THRB: variants seen among roughly 807,000 people sequenced by gnomAD.
The protein encoded by THRB is nuclear receptor subfamily 1 group A member 2.
THRB carries 12 observed loss-of-function variants against 47.8 expected under a neutral mutation model. The ratio of observed to expected loss-of-function variants is 0.25; its 90% CI spans 0.16 to 0.41. The LOEUF (loss-of-function observed/expected upper bound fraction) is 0.41. Among genes scored for constraint, THRB ranks in the 10% least tolerant of loss-of-function variants. The pLI is 1.00. For synonymous variants in THRB, 218 were observed against 212.2 expected (o/e 1.03, Z -0.24); for missense variants, 348 against 589.2 (o/e 0.59, Z 4.24).
intron 3 of THRB, among the ~76,000 whole-genome samples, chr3:24,291,477 C>A (rs199635461): frequency 0.13 from 20,373 of 152,108 alleles, 1,391 homozygotes; most frequent in South Asian, 0.21. Flanking sequence ...ATGCTCAAGT[C>A]CCTTATACAA....
chr3:24,443,922 C>T (rs916167133), intron 1 of THRB, among the ~76,000 whole-genome samples: 1 of 152,178 alleles, frequency 6.6e-6, no homozygotes, highest in African/African-American at 2.4e-5. Context: ...CCAGCTCTGT[C>T]TGGCCATAAA....
chr3:24,152,819 G>A (rs776239936), intron 5 of THRB, among the ~76,000 whole-genome samples: 5 of 151,802 alleles, frequency 3.3e-5, no homozygotes, highest in South Asian at 2.1e-4. Context: ...ATAATTAGCC[G>A]GGCATGGTGA....
At position 24,121,349 on chromosome 3, in the gene THRB, CCTTT is replaced by C. The variant is rs1387494830; in HGVS notation, c.*1531_*1534del. On this transcript the variant is annotated 3_prime_UTR_variant, in exon 11 of 11. Transcript: ENST00000646209. ...CTTGGTTTCCATAGTGACTTTCCTT[CCTTT>C]GTTTTTAGGTAAATCTCACTGATAT... 1.3e-5 allele frequency: 2 copies of C among 152,604 alleles called. No homozygotes were observed. The highest frequency in any genetic ancestry group is 2.9e-5 in the Non-Finnish European group (2 of 68,040). 9.5% of individuals were successfully genotyped at this position (152,604 alleles called of 1,614,324 possible).
chr3:24,330,741 C>G (rs2061870866), intron 2 of THRB, among the ~76,000 whole-genome samples: 1 of 152,232 alleles, frequency 6.6e-6, no homozygotes. Flanking sequence ...CCAGTGCCAA[C>G]CAAACCTGCC....
At chr3:24,482,233 A>T (rs1696547298) in intron 1 of THRB, among the ~76,000 whole-genome samples, 1 of 152,194 alleles carries the variant, frequency 6.6e-6, no homozygotes, top group South Asian at 2.1e-4. Flanking sequence ...ATTGTTTTCC[A>T]TGTATTGAGC....
At chr3:24,222,398 C>T (rs753726237) in intron 4 of THRB, among the ~76,000 whole-genome samples, 2 of 152,022 alleles carry the variant, frequency 1.3e-5, no homozygotes, top group Non-Finnish European at 2.9e-5. Context: ...GGCTCACAGT[C>T]TTGAAGGTGG....
intron 1 of THRB, among the ~76,000 whole-genome samples, chr3:24,402,606 A>G (rs2067506380): frequency 6.6e-6 from 1 of 151,838 alleles, no homozygotes; most frequent in Non-Finnish European, 1.5e-5. Context: ...TTGATAAAAT[A>G]TAAAATGTAT....
intron 4 of THRB, among the ~76,000 whole-genome samples, chr3:24,213,516 C>G (rs62253695): frequency 0.062 from 9,373 of 152,114 alleles, 744 homozygotes; most frequent in African/African-American, 0.19. Flanking sequence ...TCTCCTAAGA[C>G]AAGAGGGTAG....
intron 1 of THRB, among the ~76,000 whole-genome samples, chr3:24,403,853 C>T (rs558776963): frequency 6.6e-6 from 1 of 152,064 alleles, no homozygotes; most frequent in East Asian, 1.9e-4. Context: ...GAACTACCTG[C>T]TTTCTTCATA....
intron 1 of THRB, among the ~76,000 whole-genome samples, chr3:24,390,795 A>ATAT (rs60435781): frequency 0.28 from 16,197 of 58,658 alleles, 1,156 homozygotes; most frequent in East Asian, 0.52. Context: ...AAAAAAAAAA[A>ATAT]AAATATATAT....
intron 3 of THRB, among the ~76,000 whole-genome samples, chr3:24,240,253 G>A (rs1274502282): frequency 6.6e-6 from 1 of 152,182 alleles, no homozygotes; most frequent in Non-Finnish European, 1.5e-5. Context: ...CACTTGGTGT[G>A]GAGGATATGA....
intron 3 of THRB, among the ~76,000 whole-genome samples, chr3:24,283,160 T>C (rs1428881612): frequency 1.3e-5 from 2 of 152,126 alleles, no homozygotes; most frequent in East Asian, 1.9e-4. Flanking sequence ...ATATCCTTGA[T>C]GAACATTGAT....
intron 3 of THRB, among the ~76,000 whole-genome samples, chr3:24,265,371 A>G (rs2052543393): frequency 6.6e-6 from 1 of 152,236 alleles, no homozygotes; most frequent in Non-Finnish European, 1.5e-5. Flanking sequence ...AATAATGAAA[A>G]TAATTTAGGA....
At position 24,146,689 on chromosome 3, in the gene THRB, C is replaced by T; in HGVS notation, c.518G>A (p.Gly173Asp). Residue 173 changes from glycine (G) to aspartate (D), a missense_variant, in exon 7 of 11, where the codon GGC becomes GAC. This residue lies in a region of THRB where 112 missense variants were observed against 212.3 expected (regional missense o/e 0.53). Transcript: ENST00000646209. ...ECRFKKCIYV[G>D]MATDLVLDDS... ...GATCTACTTACAATCTGTTGCCATG[C>T]CAACATAGATGCATTTCTTAAAGCG... The T allele has an allele frequency of 6.2e-7, 1 of 1,614,024 alleles. No individual in the cohort carries two copies. Among genetic ancestry groups the T allele is most frequent in the Non-Finnish European group, 8.5e-7 (1 of 1,179,908 alleles).
At chr3:24,143,371 T>C in intron 8 of THRB, 130 bp downstream of exon 8, 1 of 939,078 alleles carries the variant, frequency 1.1e-6, no homozygotes, top group Non-Finnish European at 1.7e-6. Flanking sequence ...ACTCAGCCTC[T>C]CAGAGCTACG....
chr3:24,362,085 G>A (rs764605832), intron 1 of THRB, among the ~76,000 whole-genome samples: 18 of 152,020 alleles, frequency 1.2e-4, no homozygotes, highest in Non-Finnish European at 2.4e-4. Context: ...AACACCTTAC[G>A]TATTATATCT....
chr3:24,381,807 T>C (rs2065735310), intron 1 of THRB, among the ~76,000 whole-genome samples: 1 of 151,978 alleles, frequency 6.6e-6, no homozygotes, highest in Non-Finnish European at 1.5e-5. Context: ...CGAAGTTCAG[T>C]TCTCAGAGAA....
intron 2 of THRB, among the ~76,000 whole-genome samples, chr3:24,330,505 T>G (rs940503406): frequency 9.9e-5 from 15 of 152,148 alleles, no homozygotes; most frequent in Admixed American, 9.2e-4. Context: ...CTAAAAGAAA[T>G]AAAACAGCAA....
intron 3 of THRB, among the ~76,000 whole-genome samples, chr3:24,277,638 TG>T (rs2054070182): frequency 6.6e-6 from 1 of 152,246 alleles, no homozygotes; most frequent in African/African-American, 2.4e-5. Context: ...TACAAGATTT[TG>T]GGTGAAAAGT....
Sources: allele counts gnomAD v4.1 joint callset (sites outside exome capture counted in the v4.1 genomes callset), GRCh38; gene constraint gnomAD v4.1.1; regional missense constraint gnomAD v4.1.1; transcripts MANE v1.5; gene names NCBI Gene and HGNC (gene_info 2026-07-23, HGNC 2026-07-21).